LRRC20: variants seen among roughly 807,000 people sequenced by gnomAD.
LRRC20 encodes leucine rich repeat containing 20, also known as leucine-rich repeat-containing protein 20.
Under a neutral mutation model 14.4 loss-of-function variants are expected in LRRC20, and 11 were observed. That is an observed-to-expected ratio of 0.77 (90% confidence interval 0.48 to 1.27). The LOEUF (loss-of-function observed/expected upper bound fraction) is 1.27. LRRC20 is among the 50% of genes most tolerant of loss of function. LRRC20 has a pLI of 0.00. For synonymous variants in LRRC20, 121 were observed against 107.3 expected, an observed-to-expected ratio of 1.13 and a Z score of -0.79; for missense variants, 219 against 251.2, an observed-to-expected ratio of 0.87 and a Z score of 0.87.
chr10:70,344,781 A>G (rs1165659384), intron 2 of LRRC20, among the ~76,000 whole-genome samples: 1 of 152,116 alleles, frequency 6.6e-6, no homozygotes, highest in Non-Finnish European at 1.5e-5. Context: ...TACTCAGGCT[A>G]GTCTTGAATT....
intron 1 of LRRC20, among the ~76,000 whole-genome samples, chr10:70,382,125 G>T (rs1053526414): frequency 1.3e-5 from 2 of 152,248 alleles, no homozygotes; most frequent in Non-Finnish European, 2.9e-5. Flanking sequence ...CTCTGGAGCA[G>T]GCGTCTGCAG....
At chr10:70,329,896 G>A (rs1169796273) in intron 3 of LRRC20, among the ~76,000 whole-genome samples, 3 of 152,120 alleles carry the variant, frequency 2.0e-5, no homozygotes, top group Non-Finnish European at 4.4e-5. Flanking sequence ...TACACTGATT[G>A]ATTTCTAAAG....
chr10:70,325,375 CT>C (rs1483236241), intron 3 of LRRC20, among the ~76,000 whole-genome samples: 1 of 152,198 alleles, frequency 6.6e-6, no homozygotes, highest in East Asian at 1.9e-4. Context: ...CCCGCCTGGC[CT>C]CCCCCTCCCA....
intron 2 of LRRC20, among the ~76,000 whole-genome samples, chr10:70,359,911 T>A (rs190371013): frequency 1.0e-3 from 154 of 151,600 alleles, no homozygotes; most frequent in African/African-American, 3.5e-3. Context: ...TGCATTTTTT[T>A]TCTTTTTCTT....
intron 4 of LRRC20, among the ~76,000 whole-genome samples, chr10:70,308,026 C>CACCCAGATA (rs1317314113): frequency 6.6e-6 from 1 of 152,176 alleles, no homozygotes; most frequent in Non-Finnish European, 1.5e-5. Context: ...CTGAGTTCAC[C>CACCCAGATA]ACCCAGATAA....
chr10:70,320,527 T>C (rs1842037909), intron 4 of LRRC20, among the ~76,000 whole-genome samples: 1 of 152,234 alleles, frequency 6.6e-6, no homozygotes, highest in African/African-American at 2.4e-5. Context: ...TGAAAAACTC[T>C]GCCCTATCAT....
chr10:70,334,673 T>A (rs996123529), intron 3 of LRRC20, among the ~76,000 whole-genome samples: 11 of 151,986 alleles, frequency 7.2e-5, no homozygotes, highest in African/African-American at 2.4e-4. Flanking sequence ...TAGGATGAAC[T>A]CAGTTGCTTT....
intron 4 of LRRC20, among the ~76,000 whole-genome samples, chr10:70,312,261 G>A (rs1841693604): frequency 6.6e-6 from 1 of 152,204 alleles, no homozygotes; most frequent in Non-Finnish European, 1.5e-5. Context: ...ACGCCTTGCT[G>A]TGCTGCGCTA....
At chr10:70,319,577 A>T (rs1361028541) in intron 4 of LRRC20, among the ~76,000 whole-genome samples, 2 of 151,598 alleles carry the variant, frequency 1.3e-5, no homozygotes, top group East Asian at 3.9e-4. Context: ...CCTCCCCTAC[A>T]CCTGTGACCA....
intron 3 of LRRC20, among the ~76,000 whole-genome samples, chr10:70,335,945 A>C (rs1320436095): frequency 1.3e-5 from 2 of 152,144 alleles, no homozygotes; most frequent in African/African-American, 4.8e-5. Flanking sequence ...ACACCTGGAC[A>C]CCCACAGACC....
intron 4 of LRRC20, among the ~76,000 whole-genome samples, chr10:70,322,146 C>A (rs994015151): frequency 6.6e-6 from 1 of 152,140 alleles, no homozygotes. Flanking sequence ...ACCTTCTTAT[C>A]TTGAACCACC....
chr10:70,368,455 C>G (rs952348082), intron 2 of LRRC20, among the ~76,000 whole-genome samples: 3 of 151,852 alleles, frequency 2.0e-5, no homozygotes, highest in African/African-American at 7.3e-5. Flanking sequence ...CCGCGCCCGG[C>G]CATTTTTGCA....
chr10:70,330,956 G>A (rs1387938934), intron 3 of LRRC20, among the ~76,000 whole-genome samples: 4 of 152,200 alleles, frequency 2.6e-5, no homozygotes, highest in Non-Finnish European at 5.9e-5. Flanking sequence ...CCTGACCGGG[G>A]ACCCGGGGAC....
intron 2 of LRRC20, among the ~76,000 whole-genome samples, chr10:70,343,354 A>C (rs1842979400): frequency 6.6e-6 from 1 of 152,112 alleles, no homozygotes; most frequent in South Asian, 2.1e-4. Context: ...GGGGGGGAAA[A>C]GGGACAGGTG....
At chr10:70,321,000 G>A (rs1051408313) in intron 4 of LRRC20, among the ~76,000 whole-genome samples, 5 of 152,170 alleles carry the variant, frequency 3.3e-5, no homozygotes, top group East Asian at 1.9e-4. Flanking sequence ...TCTTTCCAGC[G>A]CCAGGTTGGG....
intron 2 of LRRC20, among the ~76,000 whole-genome samples, chr10:70,374,287 G>A (rs913644853): frequency 6.0e-5 from 9 of 151,156 alleles, no homozygotes; most frequent in Non-Finnish European, 8.8e-5. Flanking sequence ...CCTCCCCTGC[G>A]GCCTCTCCAC....
At chr10:70,310,413 A>G (rs1167179365) in intron 4 of LRRC20, among the ~76,000 whole-genome samples, 1 of 152,104 alleles carries the variant, frequency 6.6e-6, no homozygotes, top group Non-Finnish European at 1.5e-5. Context: ...TGCCTTCAAT[A>G]CCATGGGCCA....
At chr10:70,373,464 C>G (rs1844388355) in intron 2 of LRRC20, among the ~76,000 whole-genome samples, 1 of 152,172 alleles carries the variant, frequency 6.6e-6, no homozygotes, top group South Asian at 2.1e-4. Flanking sequence ...ACAGCAGGTA[C>G]TCAATACATG....
At chr10:70,352,271 C>G (rs1255521977) in intron 2 of LRRC20, among the ~76,000 whole-genome samples, 1 of 151,946 alleles carries the variant, frequency 6.6e-6, no homozygotes, top group Non-Finnish European at 1.5e-5. Context: ...AAACGCAATA[C>G]CAATACTTTA....
Sources: allele counts gnomAD v4.1 joint callset (sites outside exome capture counted in the v4.1 genomes callset), GRCh38; gene constraint gnomAD v4.1.1; transcripts MANE v1.5; gene names NCBI Gene and HGNC (gene_info 2026-07-23, HGNC 2026-07-21).